The following NFIC variants were observed in gnomAD, a reference collection of about 807,000 sequenced individuals.
NFIC encodes the protein nuclear factor I C, also known as nuclear factor 1 C-type.
A neutral mutation model predicts 54.4 loss-of-function variants in NFIC; 12 were observed. That is an observed-to-expected ratio of 0.22 (90% CI 0.14 to 0.36). NFIC has a LOEUF of 0.36. NFIC is among the 10% of genes least tolerant of loss of function. The pLI, the probability that NFIC is intolerant of heterozygous loss-of-function variation, is 1.00. For missense variants in NFIC, 575 were observed against 718.2 expected (o/e 0.80, Z 2.28); for synonymous variants, 322 against 319.2 (o/e 1.01, Z -0.09).
At chr19:3,443,517 C>T (rs2082324938) in intron 6 of NFIC, among the ~76,000 whole-genome samples, 1 of 152,190 alleles carries the variant, frequency 6.6e-6, no homozygotes, top group Non-Finnish European at 1.5e-5. Context: ...GGGGGACCCC[C>T]AGCTCCTGGG....
At chr19:3,425,414 G>A (rs6510751) in intron 3 of NFIC, among the ~76,000 whole-genome samples, 127,957 of 151,906 alleles carry the variant, frequency 0.84, 54,026 homozygotes, top group East Asian at 0.93. Flanking sequence ...AGGGTTCTAC[G>A]GTCCCATGGG....
intron 9 of NFIC, among the ~76,000 whole-genome samples, chr19:3,456,249 C>T (rs974311802): frequency 3.9e-5 from 6 of 152,232 alleles, no homozygotes; most frequent in East Asian, 1.9e-4. Context: ...AATTCACGGG[C>T]GGTTTTGTGA....
intron 7 of NFIC, among the ~76,000 whole-genome samples, chr19:3,451,632 T>TAA (rs542068323): frequency 3.0e-5 from 4 of 131,504 alleles, no homozygotes; most frequent in Non-Finnish European, 5.0e-5. Flanking sequence ...TTCTATCTCT[T>TAA]AAAAAAAAAA....
intron 6 of NFIC, among the ~76,000 whole-genome samples, chr19:3,443,484 T>G (rs1420998756): frequency 6.6e-6 from 1 of 151,258 alleles, no homozygotes; most frequent in Non-Finnish European, 1.5e-5. Flanking sequence ...AAACTCCTAG[T>G]GTGGCAGACG....
chr19:3,414,130 G>T (rs2081810721), intron 2 of NFIC, among the ~76,000 whole-genome samples: 1 of 152,126 alleles, frequency 6.6e-6, no homozygotes, highest in African/African-American at 2.4e-5. Context: ...CCAATGTACA[G>T]ATGAAGAAAT....
At chr19:3,435,382 G>C (rs1179624033) in intron 6 of NFIC, among the ~76,000 whole-genome samples, 175 bp downstream of exon 6, 1 of 152,222 alleles carries the variant, frequency 6.6e-6, no homozygotes, top group African/African-American at 2.4e-5. Flanking sequence ...GTACGGTCCG[G>C]GTTCGCGTTC....
rs796845323 is a variant in NFIC, at chr19:3,394,521, CCA to C, written c.562+12280_562+12281del. ...AGGTATTTTATGATCTTTTCCCCAC[CCA>C]CCCCCCACCCGCTTACACTAAGTCT... On this transcript the variant is annotated intron_variant, in intron 2 of 10. Coordinates refer to ENST00000443272, the MANE Select transcript of NFIC (RefSeq NM_001245002.2). 2.5e-4 allele frequency among the ~76,000 whole-genome samples: 14 copies of C among 55,752 alleles called. 2 individuals carry two copies. Among genetic ancestry groups the C allele is most frequent in the African/African-American group, 1.6e-3 (13 of 8,314 alleles). The allele number at this position is 55,752 out of a possible 152,430, so 36.6% of individuals were successfully genotyped here. A position where few individuals can be genotyped will look rare whatever the true frequency, so the allele number is the denominator to read the frequency against.
intron 2 of NFIC, among the ~76,000 whole-genome samples, chr19:3,424,416 G>A (rs923308269): frequency 1.3e-4 from 19 of 151,892 alleles, no homozygotes; most frequent in Non-Finnish European, 2.4e-4. Flanking sequence ...AACTCCAGTC[G>A]CCCAGACTGG....
intron 1 of NFIC, among the ~76,000 whole-genome samples, chr19:3,374,973 G>A (rs1401202338): frequency 1.3e-5 from 2 of 152,138 alleles, no homozygotes; most frequent in East Asian, 1.9e-4. Flanking sequence ...ACCCCTGCCC[G>A]CCTCCCTGGC....
In NFIC at chr19:3,391,622, C is replaced by A. The variant is rs367568998; in HGVS notation, c.562+9379C>A. The stretch of plus-strand genomic sequence containing the variant: ...GACCAGCCTGGCCAATATGGCAAAA[C>A]CCCGTCTCTACTAAAAATACAAAAA... On this transcript the variant is annotated intron_variant, in intron 2 of 10. Coordinates refer to ENST00000443272, the MANE Select transcript of NFIC (RefSeq NM_001245002.2). 6.1e-3 allele frequency among the ~76,000 whole-genome samples: 930 copies of A among 152,116 alleles called. 12 individuals carry two copies. The highest frequency in any genetic ancestry group is 0.039 in the South Asian group (187 of 4,814).
At chr19:3,382,922 A>G (rs981225011) in intron 2 of NFIC, among the ~76,000 whole-genome samples, 1 of 151,562 alleles carries the variant, frequency 6.6e-6, no homozygotes, top group African/African-American at 2.4e-5. Flanking sequence ...CTCAAGTGAG[A>G]GATGGTACAA....
chr19:3,433,539 G>T lies in NFIC; in HGVS notation c.656G>T (p.Ser219Ile). 1 of 1,614,010 alleles carries T rather than the reference G, an allele frequency of 6.2e-7. No individual in the cohort carries two copies. The change falls in exon 4 of 11, where the codon AGC (serine) becomes ATC (isoleucine). Residue 219 changes from serine to isoleucine, a missense_variant. By Grantham distance (142) the Ser-to-Ile change is moderately radical. Transcript: ENST00000443272. ...ITLDTTDFQESFVTSGVFSVT... is the reference protein window; with the variant it reads ...ITLDTTDFQEIFVTSGVFSVT... ...CCAGACACGACCGACTTCCAGGAGA[G>T]CTTTGTCACCTCCGGCGTGTTCAGC...
chr19:3,381,395 CAAA>C (rs71164686), intron 1 of NFIC, among the ~76,000 whole-genome samples: 8,185 of 100,816 alleles, frequency 0.081, 396 homozygotes, highest in African/African-American at 0.17. Context: ...GACTCCGTCT[CAAA>C]AAAAAAAAAA....
intron 2 of NFIC, chr19:3,411,228 C>A (rs1276159373): frequency 1.3e-5 from 2 of 151,752 alleles, no homozygotes; most frequent in South Asian, 2.1e-4. Context: ...CTGTATTGCC[C>A]AGGCTTGTCT....
chr19:3,409,476 C>T (rs1485842181), intron 2 of NFIC, among the ~76,000 whole-genome samples: 2 of 152,170 alleles, frequency 1.3e-5, no homozygotes, highest in Non-Finnish European at 2.9e-5. Flanking sequence ...TGGTTCTGCC[C>T]GTCTCCCTCC....
intron 2 of NFIC, among the ~76,000 whole-genome samples, chr19:3,423,947 A>G (rs140080391): frequency 1.3e-5 from 2 of 152,330 alleles, no homozygotes; most frequent in African/African-American, 4.8e-5. Context: ...AAACGGACAT[A>G]GTGATAGACC....
chr19:3,389,911 G>A (rs977185147), intron 2 of NFIC, among the ~76,000 whole-genome samples: 5 of 152,252 alleles, frequency 3.3e-5, no homozygotes, highest in African/African-American at 1.2e-4. Flanking sequence ...TTGAGCCCGG[G>A]AGAAGGAGGT....
chr19:3,452,784 G>GA lies in NFIC; in HGVS notation c.1269+120dup. On this transcript the variant is annotated intron_variant, in intron 8 of 10. Transcript: ENST00000443272. This position sits in a 1 kb window ranked among gnomAD's most constrained non-coding sequence, Gnocchi z 5.3. ...AAAAGGGTCTTGAGGACTTGGCTCT[G>GA]AAGTCCCCTCCTCTGTCGTGCTGGG... 8.1e-7 allele frequency: 1 copy of GA among 1,232,588 alleles called. No homozygotes were observed. Among genetic ancestry groups the GA allele is most frequent in the South Asian group, 1.5e-5 (1 of 68,312 alleles). The allele number at this position is 1,232,588 out of a possible 1,614,324, so 76.4% of individuals were successfully genotyped here. A position where few individuals can be genotyped will look rare whatever the true frequency, so the allele number is the denominator to read the frequency against.
intron 1 of NFIC, among the ~76,000 whole-genome samples, chr19:3,379,195 G>A (rs554912822): frequency 6.6e-6 from 1 of 152,150 alleles, no homozygotes; most frequent in Admixed American, 6.6e-5. Flanking sequence ...AAGTAGCTGG[G>A]ATTACAGTCA....
Sources: allele counts gnomAD v4.1 joint callset (sites outside exome capture counted in the v4.1 genomes callset), GRCh38; gene constraint gnomAD v4.1.1; non-coding constraint Gnocchi (gnomAD v3.1); transcripts MANE v1.5; gene names NCBI Gene and HGNC (gene_info 2026-07-23, HGNC 2026-07-21).